The following MAN2C1 variants were observed in gnomAD, a reference collection of about 807,000 sequenced individuals.
MAN2C1 encodes alpha-mannosidase 2C1.
Under a neutral mutation model 126.9 loss-of-function variants are expected in MAN2C1, and 111 were observed. That is an observed-to-expected ratio of 0.87 (90% confidence interval 0.75 to 1.02). The LOEUF (loss-of-function observed/expected upper bound fraction) is 1.02, where lower values mean the gene tolerates loss of function less well. MAN2C1 is among the 50% of genes least tolerant of loss of function. MAN2C1 has a pLI of 0.00. For synonymous variants in MAN2C1, 567 were observed against 561.5 expected, an observed-to-expected ratio of 1.01 and a Z score of -0.14; for missense variants, 1,363 against 1,364.4, an observed-to-expected ratio of 1.00 and a Z score of 0.02.
chr15:75,359,377 G>A lies in MAN2C1; in HGVS notation c.1997C>T (p.Thr666Ile), dbSNP rs1482691409. The A allele has an allele frequency of 6.2e-7, 1 of 1,607,792 alleles. No homozygotes were observed. The highest frequency in any genetic ancestry group is 8.5e-7 in the Non-Finnish European group (1 of 1,177,564). ...CTGGGGCAGCAGGGGCTGCAGTGAG[G>A]TGGGGGGAGGAACAGGAGCATAGCC... The part of the protein sequence containing the change: ...SMGYAPVPPP[T>I]SLQPLLPQQP... The change falls in exon 17 of 26, where the codon ACC (threonine) becomes ATC (isoleucine). Residue 666 changes from threonine to isoleucine, a missense_variant. Coordinates refer to ENST00000267978, the MANE Select transcript of MAN2C1 (RefSeq NM_006715.4).
Position 75,356,627 on chromosome 15 carries a change from A to T in MAN2C1, c.2716T>A (p.Tyr906Asn). The T allele has an allele frequency of 3.2e-6, 5 of 1,566,080 alleles. No homozygotes were observed. Among genetic ancestry groups the T allele is most frequent in the Non-Finnish European group, 4.3e-6 (5 of 1,155,798 alleles). ...TCACCCTTGTGCGGCATCAGTGCAT[A>T]GGTGAACTCGTGGCGCCCCGTGTCA... ...TADTGRHEFT[Y>N]ALMPHKGSFQ... The change falls in exon 23 of 26, where the codon TAT becomes AAT. Residue 906 changes from tyrosine to asparagine, a missense_variant. Coordinates refer to ENST00000267978, the MANE Select transcript of MAN2C1 (RefSeq NM_006715.4). The surrounding 1 kb of genome is among the most constrained non-coding windows in gnomAD (Gnocchi z 5.8).
chr15:75,364,387 C>T, intron 5 of MAN2C1, 101 bp downstream of exon 5: 2 of 1,364,332 alleles, frequency 1.5e-6, no homozygotes, highest in Non-Finnish European at 9.8e-7. Context: ...AAACCCTCGT[C>T]CTACTCTGGA....
rs556605104 is a variant in MAN2C1, at chr15:75,368,072, C to T, written c.227+1G>A. ...CCGCCCACCCGCTGGGCGTTACCTA[C>T]GTGGGTCCGAAGCTGTCGCCGACCT... On this transcript the variant is annotated splice_donor_variant, in intron 2 of 25. Transcript: ENST00000267978. LOFTEE classifies it high-confidence loss of function. 1.9e-6 allele frequency: 3 copies of T among 1,605,380 alleles called. No homozygotes were observed. Among genetic ancestry groups the T allele is most frequent in the African/African-American group, 2.7e-5 (2 of 74,988 alleles).
chr15:75,358,949 G>C (rs1283886092), intron 18 of MAN2C1, 110 bp downstream of exon 18: 7 of 1,515,066 alleles, frequency 4.6e-6, no homozygotes, highest in Non-Finnish European at 6.3e-6. Context: ...GTGGGTTCCA[G>C]CCCAGAGCCA....
Position 75,368,202 on chromosome 15 carries a change from C to A in MAN2C1, c.102-4G>T. 1.2e-6 allele frequency: 2 copies of A among 1,600,634 alleles called. No individual in the cohort carries two copies. Among genetic ancestry groups the A allele is most frequent in the Non-Finnish European group, 1.7e-6 (2 of 1,176,146 alleles). On this transcript the variant is annotated splice_polypyrimidine_tract_variant and splice_region_variant and intron_variant, in intron 1 of 25. Transcript: ENST00000267978. ...AGGGCAGCTGGCCCCAAAAAGCCTGCGTGGGACGGGCCGGTGGGCACATGC... is the reference window on the plus strand; with the variant it reads ...AGGGCAGCTGGCCCCAAAAAGCCTGAGTGGGACGGGCCGGTGGGCACATGC...
At chr15:75,367,714 G>A in intron 2 of MAN2C1, 80 bp from the exon 3 acceptor site, 5 of 1,558,118 alleles carry the variant, frequency 3.2e-6, no homozygotes, top group Non-Finnish European at 3.5e-6. Flanking sequence ...GTCGGCAGGG[G>A]CTTGAAACTC....
At position 75,358,222 on chromosome 15, in the gene MAN2C1, A is replaced by C. The variant is rs770101732; in HGVS notation, c.2526T>G (p.Ser842=). The change falls in exon 21 of 26, where the codon TCT becomes TCG. Residue 842 remains serine, a synonymous_variant. Coordinates refer to ENST00000267978, the MANE Select transcript of MAN2C1 (RefSeq NM_006715.4). ...HLQRPTHYNT[S]WDWARFEVWA... ...AGACCTCAAATCGAGCCCAGTCCCA[A>C]GAGGTATTGTAGTGGGTAGGTCGCT... 3.7e-6 allele frequency: 6 copies of C among 1,614,134 alleles called. No homozygotes were observed. The South Asian group carries it at 5.5e-5, about 15-fold the overall frequency.
chr15:75,358,518 G>A lies in MAN2C1; in HGVS notation c.2347C>T (p.Leu783Phe). 1.9e-6 allele frequency: 3 copies of A among 1,613,496 alleles called. No homozygotes were observed. The African/African-American group carries it at 4.0e-5, about 21-fold the overall frequency. ...ACGTCCAGCACAACCTCCTGGCTAA[G>A]CCGACTGTTGGGGCTGATCTGTAGC... ...FLLQISPNSR[L>F]SQEVVLDVGC... The change falls in exon 20 of 26, where the codon CTT becomes TTT. Residue 783 changes from leucine (L) to phenylalanine (F), a missense_variant. Leu to Phe is a conservative substitution (Grantham distance 22). Transcript: ENST00000267978.
At chr15:75,366,079 T>A in intron 4 of MAN2C1, 1 of 316,182 alleles carries the variant, frequency 3.2e-6, no homozygotes, top group Non-Finnish European at 6.2e-6. Context: ...AGAGGGAGAC[T>A]TCGTCTCAAA....
intron 4 of MAN2C1, chr15:75,365,948 G>C (rs116617743): frequency 4.6e-6 from 2 of 432,284 alleles, no homozygotes; most frequent in Non-Finnish European, 9.2e-6. Flanking sequence ...ATAGCTGGAC[G>C]TGGTGGCACA....
intron 1 of MAN2C1, 102 bp from the exon 2 acceptor site, chr15:75,368,300 G>A: frequency 1.3e-6 from 2 of 1,501,744 alleles, no homozygotes; most frequent in Non-Finnish European, 1.8e-6. Context: ...CCTCCGCCAA[G>A]AGGGCTGCCT....
Position 75,364,154 on chromosome 15 carries a change from G to A in MAN2C1, c.635C>T (p.Ala212Val), listed in dbSNP as rs772712501. Residue 212 changes from alanine to valine, a missense_variant, in exon 6 of 26, where the codon GCC becomes GTC. Transcript: ENST00000267978. Reference protein sequence around the residue: ...LGKDNQRSFQALYTANQMVNV... With the variant: ...LGKDNQRSFQVLYTANQMVNV... ...CACCATCTGATTGGCTGTGTACAGG[G>A]CCTGGAAGCTGCGCTGGTTGTCCTT... The A allele has an allele frequency of 6.2e-7, 1 of 1,612,862 alleles. No homozygotes were observed. The highest frequency in any genetic ancestry group is 1.7e-5 in the Admixed American group (1 of 59,450).
At position 75,367,613 on chromosome 15, in the gene MAN2C1, C is replaced by T. The variant is rs2072601621; in HGVS notation, c.249G>A (p.Arg83=). The T allele has an allele frequency of 7.4e-6, 12 of 1,614,158 alleles. No individual in the cohort carries two copies. Among genetic ancestry groups the T allele is most frequent in the Non-Finnish European group, 1.0e-5 (12 of 1,180,012 alleles). ...ATGCCTCTGGGATGGTCAGCTCCAC[C>T]CGGAACCAGCAGGTCCACCATCTGC... is the stretch of plus-strand genomic sequence containing the variant. ...FGPTWWTCWF[R]VELTIPEAWV... is the part of the protein sequence containing the mutation. Residue 83 remains arginine (R), a synonymous_variant, in exon 3 of 26, where the codon CGG becomes CGA. Coordinates refer to ENST00000267978, the MANE Select transcript of MAN2C1 (RefSeq NM_006715.4).
chr15:75,368,572 C>T lies in MAN2C1; in HGVS notation c.12G>A (p.Ala4=). ...TGGTGCGCCAGTGCTTCAAGGCCGG[C>T]GCAGCCGCCATCGCCGGGCTCTCGC... MAA[A]PALKHWRTTL... is the part of the protein sequence containing the mutation. The change falls in exon 1 of 26, where the codon GCG becomes GCA. Residue 4 remains alanine (A), a synonymous_variant. Coordinates refer to ENST00000267978, the MANE Select transcript of MAN2C1 (RefSeq NM_006715.4). 5 of 1,544,950 alleles carry T rather than the reference C, an allele frequency of 3.2e-6. No homozygotes were observed. The highest frequency in any genetic ancestry group is 3.5e-6 in the Non-Finnish European group (4 of 1,145,580).
chr15:75,364,655 A>G lies in MAN2C1; in HGVS notation c.433T>C (p.Tyr145His), dbSNP rs756435771. 2 of 1,610,830 alleles carry G rather than the reference A, an allele frequency of 1.2e-6. No individual in the cohort carries two copies. Among genetic ancestry groups the G allele is most frequent in the Non-Finnish European group, 8.5e-7 (1 of 1,178,264 alleles). Reference protein sequence around the residue: ...GERDPRSLTLYVEVACNGLLG... With the variant: ...GERDPRSLTLHVEVACNGLLG... ...AGCCCATTGCAGGCTACTTCCACAT[A>G]GAGAGTGAGGCTACAAAGATGGGGA... The change falls in exon 5 of 26, where the codon TAT (tyrosine) becomes CAT (histidine). Residue 145 changes from tyrosine (Y) to histidine (H), a missense_variant. Tyr to His is a moderately conservative substitution (Grantham distance 83). Coordinates refer to ENST00000267978, the MANE Select transcript of MAN2C1 (RefSeq NM_006715.4).
Position 75,359,118 on chromosome 15 carries a change from G to A in MAN2C1, c.2082C>T (p.Ile694=). The change falls in exon 18 of 26, where the codon ATC becomes ATT. Residue 694 remains isoleucine, a synonymous_variant. Coordinates refer to ENST00000267978, the MANE Select transcript of MAN2C1 (RefSeq NM_006715.4). ...DGSVTLDNGI[I]RVKLDPTGRL... is the part of the protein sequence containing the mutation. ...GACCAGTTGGGTCCAGCTTCACTCG[G>A]ATGATGCCATTGTCCAGAGTCACGG... The A allele has an allele frequency of 6.2e-7, 1 of 1,614,060 alleles. No individual in the cohort carries two copies. Among genetic ancestry groups the A allele is most frequent in the Non-Finnish European group, 8.5e-7 (1 of 1,180,028 alleles).
At chr15:75,368,391 G>C in intron 1 of MAN2C1, 92 bp downstream of exon 1, 1 of 1,435,806 alleles carries the variant, frequency 7.0e-7, no homozygotes. Flanking sequence ...TTGTCCCGCG[G>C]CCCGGGTGGC....
Position 75,358,181 on chromosome 15 carries a change from C to T in MAN2C1, c.2547+20G>A. ...AGCCAGGGAGGAGTCCAAGGCCACT[C>T]CCACCCTGCCATGTCAGACCTCAAA... is the stretch of plus-strand genomic sequence containing the variant. On this transcript the variant is annotated intron_variant, in intron 21 of 25. Coordinates refer to ENST00000267978, the MANE Select transcript of MAN2C1 (RefSeq NM_006715.4). 6.2e-7 allele frequency: 1 copy of T among 1,613,812 alleles called. No homozygotes were observed. The highest frequency in any genetic ancestry group is 8.5e-7 in the Non-Finnish European group (1 of 1,179,874).
intron 4 of MAN2C1, among the ~76,000 whole-genome samples, 168 bp from the exon 5 acceptor site, chr15:75,364,833 G>A (rs928928897): frequency 1.8e-4 from 28 of 152,212 alleles, no homozygotes; most frequent in Admixed American, 1.2e-3. Context: ...GAGGGTTGTG[G>A]TACAAACACC....
Sources: gnomAD v4.1 joint callset for allele counts (sites outside exome capture counted in the v4.1 genomes callset) on GRCh38, gnomAD v4.1.1 for gene constraint, Gnocchi (gnomAD v3.1) non-coding constraint, MANE v1.5 for transcripts, NCBI Gene and HGNC (gene_info 2026-07-23, HGNC 2026-07-21) for gene names.